The following ELL2 variants were observed in gnomAD, a reference collection of about 807,000 sequenced individuals.
The protein encoded by ELL2 is elongation factor for RNA polymerase II 2.
ELL2 carries 21 observed loss-of-function variants against 72.8 expected under a neutral mutation model. That is an observed-to-expected ratio of 0.29 (90% CI 0.20 to 0.42). The LOEUF is 0.42. Among genes scored for constraint, ELL2 ranks in the 10% least tolerant of loss-of-function variants. The probability of loss-of-function intolerance (pLI) is 1.00; values close to 1 mark genes in which losing one functional copy is unlikely to be tolerated. For missense variants in ELL2, 568 were observed against 772.8 expected (o/e 0.73, Z 3.14); for synonymous variants, 266 against 283.2 (o/e 0.94, Z 0.61).
At chr5:95,955,721 G>A (rs3777165) in intron 1 of ELL2, among the ~76,000 whole-genome samples, 42,359 of 152,026 alleles carry the variant, frequency 0.28, 6,771 homozygotes, top group African/African-American at 0.45. Context: ...AGGACAGTCA[G>A]ATGTTGGGTT....
chr5:95,907,278 A>AT (rs1491369050), intron 4 of ELL2, among the ~76,000 whole-genome samples: 7 of 104,882 alleles, frequency 6.7e-5, no homozygotes, highest in African/African-American at 3.0e-4. Context: ...TCCGTTAGTG[A>AT]TATATATATA....
intron 2 of ELL2, among the ~76,000 whole-genome samples, chr5:95,940,973 G>A (rs113392654): frequency 6.6e-6 from 1 of 152,064 alleles, no homozygotes; most frequent in Non-Finnish European, 1.5e-5. Flanking sequence ...CAAAAAGAAG[G>A]GGGGGAGGGG....
chr5:95,929,660 G>T (rs752842491), intron 2 of ELL2, among the ~76,000 whole-genome samples: 1 of 151,982 alleles, frequency 6.6e-6, no homozygotes, highest in Non-Finnish European at 1.5e-5. Flanking sequence ...CACTCAGAAG[G>T]TGCCTTATGT....
intron 1 of ELL2, among the ~76,000 whole-genome samples, chr5:95,960,337 C>A (rs1026509129): frequency 6.6e-6 from 1 of 151,930 alleles, no homozygotes; most frequent in African/African-American, 2.4e-5. Flanking sequence ...GTATCCACTC[C>A]GGTCTCCCAC....
Position 95,906,649 on chromosome 5 carries a change from T to C in ELL2, c.615A>G (p.Pro205=). ...GTAAGTGAATCACCCTGTCCCTGTA[T>C]GGCCTCTGAGAGATGGTGCTGCTGC... is the stretch of plus-strand genomic sequence containing the variant. ...THSSSTISQR[P]YRDRVIHLLA... The change falls in exon 5 of 12, where the codon CCA becomes CCG. Residue 205 remains proline, a synonymous_variant. Coordinates refer to ENST00000237853, the MANE Select transcript of ELL2 (RefSeq NM_012081.6). 6.2e-7 allele frequency: 1 copy of C among 1,614,156 alleles called. No individual in the cohort carries two copies. Among genetic ancestry groups the C allele is most frequent in the South Asian group, 1.1e-5 (1 of 91,090 alleles).
At chr5:95,895,436 G>GT (rs1175600046) in intron 9 of ELL2, among the ~76,000 whole-genome samples, 192 bp downstream of exon 9, 17 of 152,150 alleles carry the variant, frequency 1.1e-4, no homozygotes, top group African/African-American at 4.1e-4. Flanking sequence ...GCGGGGGGAG[G>GT]CACAACCTGC....
chr5:95,959,448 T>A (rs1012095170), intron 1 of ELL2, among the ~76,000 whole-genome samples: 2 of 152,166 alleles, frequency 1.3e-5, no homozygotes, highest in African/African-American at 4.8e-5. Flanking sequence ...TCCCACGCCC[T>A]TCCCTTGGAA....
Position 95,900,754 on chromosome 5 carries a change from G to C in ELL2, c.893C>G (p.Ala298Gly). Residue 298 changes from alanine to glycine, a missense_variant, in exon 7 of 12, where the codon GCA becomes GGA. Transcript: ENST00000237853. ...SRKLNPSQNA[A>G]GTSRSESPVC... ...AGGAGATTCTGAACGGCTGGTGCCT[G>C]CAGCATTCTGAGACGGATTTAGTTT... 6.2e-7 allele frequency: 1 copy of C among 1,609,364 alleles called. No homozygotes were observed. Among genetic ancestry groups the C allele is most frequent in the Non-Finnish European group, 8.5e-7 (1 of 1,178,140 alleles).
At chr5:95,935,051 C>T (rs1750725881) in intron 2 of ELL2, among the ~76,000 whole-genome samples, 1 of 152,156 alleles carries the variant, frequency 6.6e-6, no homozygotes. Flanking sequence ...AGCAATAACA[C>T]ATCCATCCAT....
At chr5:95,909,274 A>G (rs1749491432) in intron 4 of ELL2, among the ~76,000 whole-genome samples, 1 of 152,160 alleles carries the variant, frequency 6.6e-6, no homozygotes, top group African/African-American at 2.4e-5. Flanking sequence ...CCTACCCCCA[A>G]AACACTCACT....
intron 1 of ELL2, among the ~76,000 whole-genome samples, chr5:95,947,197 TAAA>T (rs942404598): frequency 1.4e-5 from 2 of 145,492 alleles, no homozygotes; most frequent in Non-Finnish European, 3.0e-5. Context: ...CGTGCTCAGC[TAAA>T]AAAAAAAAGT....
chr5:95,945,824 C>T (rs539876305), intron 1 of ELL2, among the ~76,000 whole-genome samples: 47 of 152,314 alleles, frequency 3.1e-4, no homozygotes, highest in African/African-American at 1.0e-3. Flanking sequence ...TGAAATACAA[C>T]AGCAAGGATG....
rs1366981201 is a variant in ELL2 at position 95,950,894 on chromosome 5, G to A, written c.148-7845C>T. Among the ~76,000 whole-genome samples the A allele has an allele frequency of 3.3e-3, 161 of 48,526 alleles. 3 individuals are homozygous for A. The highest frequency in any genetic ancestry group is 0.013 in the African/African-American group (150 of 11,954). 31.8% of individuals were successfully genotyped at this position (48,526 alleles called of 152,430 possible). ...GTTTTATTTATATATATATATGTAT[G>A]TATGTATGTGTATATATATATATAT... On this transcript the variant is annotated intron_variant, in intron 1 of 11. Coordinates refer to ENST00000237853, the MANE Select transcript of ELL2 (RefSeq NM_012081.6).
chr5:95,895,641 G>A lies in ELL2; in HGVS notation c.1576C>T (p.Pro526Ser), dbSNP rs759028119. The A allele has an allele frequency of 6.2e-7, 1 of 1,613,828 alleles. No individual in the cohort carries two copies. The highest frequency in any genetic ancestry group is 8.5e-7 in the Non-Finnish European group (1 of 1,179,872). Residue 526 changes from proline (P) to serine (S), a missense_variant, in exon 9 of 12, where the codon CCA becomes TCA. By Grantham distance (74) the Pro-to-Ser change is moderately conservative. Coordinates refer to ENST00000237853, the MANE Select transcript of ELL2 (RefSeq NM_012081.6). Reference sequence around the variant, plus strand: ...ATATGAACTTACATCAAATAATCTGGGAGTTCAATTGCTGAAGGTTCCATG... The same window carrying A: ...ATATGAACTTACATCAAATAATCTGAGAGTTCAATTGCTGAAGGTTCCATG... The part of the protein sequence containing the change: ...ASMEPSAIEL[P>S]DYLIKYIAIV...
At chr5:95,922,071 A>AG (rs1750107863) in intron 2 of ELL2, among the ~76,000 whole-genome samples, 1 of 147,308 alleles carries the variant, frequency 6.8e-6, no homozygotes, top group Non-Finnish European at 1.5e-5. Context: ...TCTAAATTGC[A>AG]TTTTTTTTTT....
At chr5:95,903,121 C>T (rs1020555945) in intron 5 of ELL2, among the ~76,000 whole-genome samples, 4 of 149,744 alleles carry the variant, frequency 2.7e-5, no homozygotes, top group Admixed American at 1.3e-4. Flanking sequence ...CCCAGCACTA[C>T]ACACATTGAC....
chr5:95,937,134 T>G (rs914278666), intron 2 of ELL2, among the ~76,000 whole-genome samples: 8 of 152,114 alleles, frequency 5.3e-5, no homozygotes, highest in Non-Finnish European at 1.2e-4. Flanking sequence ...GTGATGCAGT[T>G]TGGTGAAGGA....
chr5:95,954,602 T>C (rs1356127748), intron 1 of ELL2, among the ~76,000 whole-genome samples: 5 of 140,104 alleles, frequency 3.6e-5, no homozygotes, highest in South Asian at 2.2e-4. Flanking sequence ...TTTTCTTTTT[T>C]TTTTTTTTTT....
In ELL2 at chr5:95,898,605, T is replaced by A; in HGVS notation, c.1160A>T (p.His387Leu). 1 of 1,613,326 alleles carries A rather than the reference T, an allele frequency of 6.2e-7. No individual in the cohort carries two copies. The highest frequency in any genetic ancestry group is 8.5e-7 in the Non-Finnish European group (1 of 1,179,758). Residue 387 changes from histidine to leucine, a missense_variant, in exon 8 of 12, where the codon CAT (histidine) becomes CTT (leucine). Physicochemically the swap from His to Leu is moderately conservative, Grantham distance 99 (BLOSUM62 -3). Around this residue, in one of 2 missense-constraint regions of ELL2, gnomAD observed 511 missense variants for 728.4 expected, o/e 0.70. Coordinates refer to ENST00000237853, the MANE Select transcript of ELL2 (RefSeq NM_012081.6). The stretch of plus-strand genomic sequence containing the variant: ...GTTAGAATTTACAATCTGAGGAGGA[T>A]GTGAGATGGGCAGATAGGTTGAAGG... ...PLPSTYLPIS[H>L]PPQIVNSNSN...
Sources: gnomAD v4.1 joint callset for allele counts (sites outside exome capture counted in the v4.1 genomes callset) on GRCh38, gnomAD v4.1.1 for gene constraint, gnomAD v4.1.1 regional missense constraint, MANE v1.5 for transcripts, NCBI Gene and HGNC (gene_info 2026-07-23, HGNC 2026-07-21) for gene names.